NDUFAF2: variants seen among roughly 807,000 people sequenced by gnomAD.
The protein encoded by NDUFAF2 is NADH:ubiquinone oxidoreductase complex assembly factor 2.
A neutral mutation model predicts 22.8 loss-of-function variants in NDUFAF2; 13 were observed. The observed-to-expected ratio is 0.57, with a 90% CI of 0.37 to 0.91. The LOEUF (loss-of-function observed/expected upper bound fraction) is 0.91, where lower values mean the gene tolerates loss of function less well. Among genes scored for constraint, NDUFAF2 ranks in the 40% least tolerant of loss-of-function variants. The pLI is 0.01. For missense variants in NDUFAF2, 162 were observed against 195.2 expected (o/e 0.83, Z 1.01); for synonymous variants, 53 against 64.2 (o/e 0.83, Z 0.84).
At chr5:61,105,878 G>C (rs187446671) in intron 3 of NDUFAF2, among the ~76,000 whole-genome samples, 2 of 151,488 alleles carry the variant, frequency 1.3e-5, no homozygotes, top group Admixed American at 6.6e-5. Flanking sequence ...ATGGACAAGA[G>C]GTAATGGATT....
chr5:60,971,805 T>A (rs1173495848), intron 1 of NDUFAF2, among the ~76,000 whole-genome samples: 2 of 152,168 alleles, frequency 1.3e-5, no homozygotes, highest in African/African-American at 4.8e-5. Context: ...TCCTTTTTTA[T>A]GGCTGCATAG....
chr5:61,040,286 A>ACACACACACACGCGCG (rs1491193758), intron 1 of NDUFAF2, among the ~76,000 whole-genome samples: 20 of 93,090 alleles, frequency 2.1e-4, no homozygotes, highest in Non-Finnish European at 2.9e-4. Flanking sequence ...ACACACACAC[A>ACACACACACACGCGCG]CGCGCGCGCG....
intron 3 of NDUFAF2, among the ~76,000 whole-genome samples, chr5:61,127,787 T>C (rs948641583): frequency 2.1e-4 from 32 of 152,168 alleles, no homozygotes; most frequent in Non-Finnish European, 3.4e-4. Flanking sequence ...TTGGAAGTTC[T>C]GGCCAGGGCA....
At chr5:60,993,502 G>A (rs1057133533) in intron 1 of NDUFAF2, among the ~76,000 whole-genome samples, 1 of 152,222 alleles carries the variant, frequency 6.6e-6, no homozygotes, top group East Asian at 1.9e-4. Context: ...GGGTGAGCAA[G>A]GTGAAGAGGA....
At chr5:61,040,289 C>T (rs1395713947) in intron 1 of NDUFAF2, among the ~76,000 whole-genome samples, 2 of 81,294 alleles carry the variant, frequency 2.5e-5, no homozygotes, top group Non-Finnish European at 4.9e-5. Context: ...CACACACACG[C>T]GCGCGCGCGC....
At chr5:60,999,319 A>T (rs1272186099) in intron 1 of NDUFAF2, among the ~76,000 whole-genome samples, 1 of 152,096 alleles carries the variant, frequency 6.6e-6, no homozygotes, top group African/African-American at 2.4e-5. Context: ...CAACCCAATC[A>T]TCTATCAATG....
intron 1 of NDUFAF2, among the ~76,000 whole-genome samples, chr5:60,957,212 A>G (rs925529264): frequency 2.0e-5 from 3 of 152,154 alleles, no homozygotes; most frequent in Non-Finnish European, 4.4e-5. Flanking sequence ...ACATACCTGA[A>G]GCTTACTTTT....
At chr5:60,994,439 G>A (rs376355646) in intron 1 of NDUFAF2, among the ~76,000 whole-genome samples, 60 of 152,324 alleles carry the variant, frequency 3.9e-4, no homozygotes, top group East Asian at 2.3e-3. Flanking sequence ...CTCCACCAAC[G>A]TGGAAAGAGC....
At chr5:60,958,238 T>C (rs1168448945) in intron 1 of NDUFAF2, among the ~76,000 whole-genome samples, 1 of 152,194 alleles carries the variant, frequency 6.6e-6, no homozygotes, top group Non-Finnish European at 1.5e-5. Flanking sequence ...TTGGCCTTAG[T>C]GTCTGACCTT....
intron 1 of NDUFAF2, among the ~76,000 whole-genome samples, chr5:61,043,225 G>A (rs1410520075): frequency 2.0e-5 from 3 of 151,670 alleles, no homozygotes; most frequent in African/African-American, 4.8e-5. Flanking sequence ...TGTCTTGGGG[G>A]AAAAAAACAA....
chr5:61,137,348 A>G (rs1740980686), intron 3 of NDUFAF2, among the ~76,000 whole-genome samples: 1 of 152,258 alleles, frequency 6.6e-6, no homozygotes, highest in Non-Finnish European at 1.5e-5. Context: ...GATGCCTGGA[A>G]TGTTAACAGT....
intron 3 of NDUFAF2, among the ~76,000 whole-genome samples, chr5:61,125,110 T>G: frequency 6.6e-6 from 1 of 152,178 alleles, no homozygotes; most frequent in East Asian, 1.9e-4. Flanking sequence ...ACCTGAGGAT[T>G]ACAATTGAAC....
intron 1 of NDUFAF2, among the ~76,000 whole-genome samples, chr5:61,007,776 A>T (rs1751387743): frequency 1.3e-5 from 2 of 152,180 alleles, no homozygotes; most frequent in African/African-American, 4.8e-5. Context: ...TAGAAATACC[A>T]TTTGACCCAG....
intron 1 of NDUFAF2, among the ~76,000 whole-genome samples, chr5:61,023,440 C>T (rs1751610830): frequency 6.6e-6 from 1 of 151,998 alleles, no homozygotes; most frequent in Non-Finnish European, 1.5e-5. Context: ...CTAAAGCTTT[C>T]TCCTCGTGAT....
chr5:61,079,173 ACT>A (rs1201550370), intron 2 of NDUFAF2, among the ~76,000 whole-genome samples: 7 of 152,206 alleles, frequency 4.6e-5, no homozygotes, highest in Non-Finnish European at 8.8e-5. Flanking sequence ...TATCATTAAC[ACT>A]GTTAATAATT....
intron 2 of NDUFAF2, among the ~76,000 whole-genome samples, chr5:61,095,586 T>G (rs1476205997): frequency 6.6e-6 from 1 of 150,820 alleles, no homozygotes; most frequent in Non-Finnish European, 1.5e-5. Flanking sequence ...TGCCAGGAAG[T>G]GTGGAGCCTA....
intron 3 of NDUFAF2, among the ~76,000 whole-genome samples, chr5:61,139,237 A>G (rs1741014673): frequency 6.6e-6 from 1 of 152,178 alleles, no homozygotes; most frequent in Non-Finnish European, 1.5e-5. Context: ...TACACTGTAG[A>G]GTGTGGATTG....
intron 3 of NDUFAF2, among the ~76,000 whole-genome samples, chr5:61,105,229 G>A (rs1278639409): frequency 6.6e-6 from 1 of 151,152 alleles, no homozygotes; most frequent in East Asian, 1.9e-4. Context: ...AACATTCAGA[G>A]AGGAATCTTA....
At chr5:61,004,186 A>T (rs290507) in intron 1 of NDUFAF2, among the ~76,000 whole-genome samples, 1 of 151,758 alleles carries the variant, frequency 6.6e-6, no homozygotes, top group Non-Finnish European at 1.5e-5. Flanking sequence ...TTTCTGTCTT[A>T]TTTGTTTTTA....
Sources: allele counts gnomAD v4.1 joint callset (sites outside exome capture counted in the v4.1 genomes callset), GRCh38; gene constraint gnomAD v4.1.1; transcripts MANE v1.5; gene names NCBI Gene and HGNC (gene_info 2026-07-23, HGNC 2026-07-21).